ARHGAP26: variants seen among roughly 807,000 people sequenced by gnomAD.
ARHGAP26 encodes rho GTPase-activating protein 26.
Under a neutral mutation model 104.8 loss-of-function variants are expected in ARHGAP26, and 38 were observed. That is an observed-to-expected ratio of 0.36 (90% CI 0.28 to 0.48). The LOEUF (loss-of-function observed/expected upper bound fraction) is 0.48. ARHGAP26 is among the 20% of genes least tolerant of loss of function. The probability of loss-of-function intolerance (pLI) is 0.99; values close to 1 mark genes in which losing one functional copy is unlikely to be tolerated. For missense variants in ARHGAP26, 704 were observed against 947.9 expected, an observed-to-expected ratio of 0.74 and a Z score of 3.38; for synonymous variants, 341 against 340.0, an observed-to-expected ratio of 1.00 and a Z score of -0.03.
intron 17 of ARHGAP26, among the ~76,000 whole-genome samples, chr5:143,114,571 C>T (rs1210818148): frequency 6.6e-6 from 1 of 152,180 alleles, no homozygotes; most frequent in Non-Finnish European, 1.5e-5. Context: ...CCTCTTCAGC[C>T]CTAGAGCTTG....
chr5:143,135,191 C>T (rs1797775031), intron 19 of ARHGAP26, among the ~76,000 whole-genome samples: 1 of 152,220 alleles, frequency 6.6e-6, no homozygotes. Context: ...GTGATTCTGC[C>T]TCTGCTGCTC....
chr5:143,037,309 C>T (rs994696449), intron 13 of ARHGAP26, 48 bp downstream of exon 13: 1 of 1,501,562 alleles, frequency 6.7e-7, no homozygotes, highest in Non-Finnish European at 9.1e-7. Flanking sequence ...GGTCACGCAT[C>T]TGGTGAGGAG....
intron 1 of ARHGAP26, among the ~76,000 whole-genome samples, chr5:142,843,497 T>C (rs1018759053): frequency 2.6e-5 from 4 of 152,268 alleles, no homozygotes; most frequent in Non-Finnish European, 5.9e-5. Context: ...GTGCCAGACA[T>C]GCCAGGCAAA....
At chr5:143,018,762 A>G (rs186516528) in intron 12 of ARHGAP26, among the ~76,000 whole-genome samples, 3 of 152,182 alleles carry the variant, frequency 2.0e-5, no homozygotes, top group Admixed American at 2.0e-4. Context: ...ATATCTAGTT[A>G]TATAAGTCTC....
At chr5:143,031,563 T>C (rs1158683610) in intron 12 of ARHGAP26, among the ~76,000 whole-genome samples, 1 of 150,340 alleles carries the variant, frequency 6.7e-6, no homozygotes, top group African/African-American at 2.5e-5. Flanking sequence ...TCCGACCACC[T>C]ACACACCTCT....
chr5:142,921,863 T>C (rs1340359417), intron 10 of ARHGAP26: 2 of 152,230 alleles, frequency 1.3e-5, no homozygotes, highest in Non-Finnish European at 2.9e-5. Flanking sequence ...ACATGGCTGT[T>C]GAATTTTTTT....
intron 20 of ARHGAP26, among the ~76,000 whole-genome samples, chr5:143,185,722 G>A (rs1413270071): frequency 6.6e-6 from 1 of 152,190 alleles, no homozygotes; most frequent in African/African-American, 2.4e-5. Context: ...ACCTCTTGAT[G>A]TATGTTAACT....
intron 11 of ARHGAP26, among the ~76,000 whole-genome samples, chr5:142,963,123 G>A (rs1157224899): frequency 6.8e-6 from 1 of 147,238 alleles, no homozygotes; most frequent in Admixed American, 6.8e-5. Flanking sequence ...CCCACAAAGG[G>A]CATAATCTCA....
At chr5:143,204,396 G>GA in intron 20 of ARHGAP26, among the ~76,000 whole-genome samples, 1 of 152,142 alleles carries the variant, frequency 6.6e-6, no homozygotes, top group African/African-American at 2.4e-5. Flanking sequence ...TGGTGGGGGG[G>GA]ATCTATAATC....
At chr5:142,812,999 G>A (rs1181851350) in intron 1 of ARHGAP26, among the ~76,000 whole-genome samples, 4 of 148,050 alleles carry the variant, frequency 2.7e-5, no homozygotes, top group Admixed American at 1.3e-4. Context: ...GTGCAGTGGC[G>A]CGATCTCGGC....
intron 1 of ARHGAP26, among the ~76,000 whole-genome samples, chr5:142,850,109 C>G (rs923203749): frequency 6.6e-6 from 1 of 152,206 alleles, no homozygotes; most frequent in Non-Finnish European, 1.5e-5. Flanking sequence ...ATTGTGTTCC[C>G]TAGGCCTCTT....
chr5:143,107,239 G>A (rs922784865), intron 17 of ARHGAP26, among the ~76,000 whole-genome samples: 3 of 152,084 alleles, frequency 2.0e-5, no homozygotes, highest in Admixed American at 6.6e-5. Context: ...AGAGCATGGT[G>A]GTATGACATG....
chr5:142,776,210 T>G (rs967345347), intron 1 of ARHGAP26, among the ~76,000 whole-genome samples: 5 of 152,178 alleles, frequency 3.3e-5, no homozygotes, highest in African/African-American at 1.2e-4. Flanking sequence ...TGGTCTCAGG[T>G]GATCCTCCCG....
intron 1 of ARHGAP26, among the ~76,000 whole-genome samples, chr5:142,842,249 C>T (rs574221694): frequency 6.6e-6 from 1 of 152,242 alleles, no homozygotes; most frequent in East Asian, 1.9e-4. Flanking sequence ...TCTTTAGATC[C>T]TCCACCAACA....
At chr5:143,045,172 T>C (rs1784047476) in intron 14 of ARHGAP26, among the ~76,000 whole-genome samples, 1 of 152,182 alleles carries the variant, frequency 6.6e-6, no homozygotes, top group Admixed American at 6.5e-5. Flanking sequence ...TTGATTTTCC[T>C]GGGGATAGAG....
intron 1 of ARHGAP26, among the ~76,000 whole-genome samples, chr5:142,855,484 A>G (rs1752203031): frequency 6.6e-6 from 1 of 152,168 alleles, no homozygotes; most frequent in South Asian, 2.1e-4. Context: ...CTAGATATCC[A>G]TCCACCCTTC....
chr5:142,879,540 A>G, intron 4 of ARHGAP26, 95 bp downstream of exon 4: 1 of 1,144,600 alleles, frequency 8.7e-7, no homozygotes, highest in Admixed American at 2.6e-5. Context: ...AAATGTCTTC[A>G]GAAAATCGAA....
chr5:143,057,028 T>C (rs1047497548), intron 16 of ARHGAP26, among the ~76,000 whole-genome samples: 1 of 152,238 alleles, frequency 6.6e-6, no homozygotes, highest in Non-Finnish European at 1.5e-5. Flanking sequence ...TCAGTCTATT[T>C]GCCAGAGTAA....
At chr5:143,005,053 A>T (rs144687412) in intron 11 of ARHGAP26, among the ~76,000 whole-genome samples, 28 of 152,346 alleles carry the variant, frequency 1.8e-4, no homozygotes, top group Non-Finnish European at 3.4e-4. Flanking sequence ...AGAGTTCCCT[A>T]TAAAGCACAA....
Sources: allele counts gnomAD v4.1 joint callset (sites outside exome capture counted in the v4.1 genomes callset), GRCh38; gene constraint gnomAD v4.1.1; transcripts MANE v1.5; gene names NCBI Gene and HGNC (gene_info 2026-07-23, HGNC 2026-07-21).